CSMD1: variants seen among roughly 807,000 people sequenced by gnomAD.
CSMD1 encodes CUB and Sushi multiple domains 1, also known as CUB and sushi domain-containing protein 1.
A neutral mutation model predicts 417.5 loss-of-function variants in CSMD1; 213 were observed. That is an observed-to-expected ratio of 0.51 (90% CI 0.46 to 0.57). The LOEUF is 0.57. Among genes scored for constraint, CSMD1 ranks in the 20% least tolerant of loss-of-function variants. The pLI is 0.00. For missense variants in CSMD1, 6,923 were observed against 4,529.7 expected (o/e 1.53, Z -15.17); for synonymous variants, 2,862 against 1,736.8 (o/e 1.65, Z -16.11).
intron 54 of CSMD1, among the ~76,000 whole-genome samples, chr8:2,985,698 G>C (rs1805835001): frequency 6.6e-6 from 1 of 152,154 alleles, no homozygotes; most frequent in Admixed American, 6.5e-5. Context: ...TCATAGGAGA[G>C]GGTGACTCAG....
chr8:3,404,773 G>A (rs540982836), intron 15 of CSMD1, among the ~76,000 whole-genome samples: 2 of 138,978 alleles, frequency 1.4e-5, no homozygotes, highest in Non-Finnish European at 1.6e-5. Context: ...TATGACACAT[G>A]TGCCTGCATC....
chr8:4,230,487 G>A (rs1801654564), intron 3 of CSMD1, among the ~76,000 whole-genome samples: 1 of 152,130 alleles, frequency 6.6e-6, no homozygotes, highest in Non-Finnish European at 1.5e-5. Flanking sequence ...TCTGCTCAAA[G>A]TAGATATAAT....
rs145602612 is a variant in CSMD1, at chr8:3,485,444, G to C, written c.1448+8179C>G. Among the ~76,000 whole-genome samples, 36 of 151,826 alleles carry C rather than the reference G, an allele frequency of 2.4e-4. No homozygotes were observed. In the East Asian group the frequency reaches 5.4e-3, roughly 23 times the overall value. The stretch of plus-strand genomic sequence containing the variant: ...TTAAGGAAAATATGAGGGAACTTTG[G>C]GGTATTAGAAATTACCTGTCTTGAC... On this transcript the variant is annotated intron_variant, in intron 11 of 69. Transcript: ENST00000635120.
At chr8:3,669,594 G>C (rs1212071790) in intron 7 of CSMD1, among the ~76,000 whole-genome samples, 2 of 152,178 alleles carry the variant, frequency 1.3e-5, no homozygotes, top group African/African-American at 4.8e-5. Context: ...CTTCCGGACA[G>C]AAAATCACGA....
chr8:3,619,873 G>C (rs368891868), intron 7 of CSMD1, among the ~76,000 whole-genome samples: 1 of 152,132 alleles, frequency 6.6e-6, no homozygotes, highest in Non-Finnish European at 1.5e-5. Flanking sequence ...AGGCTGAGGT[G>C]GGTGGATCAC....
chr8:3,138,410 A>G (rs1056455091), intron 41 of CSMD1, among the ~76,000 whole-genome samples: 1 of 152,178 alleles, frequency 6.6e-6, no homozygotes, highest in Non-Finnish European at 1.5e-5. Context: ...ATTCACTCCA[A>G]TTTCATCACT....
chr8:3,284,637 C>G, intron 25 of CSMD1: 1 of 367,952 alleles, frequency 2.7e-6, no homozygotes, highest in South Asian at 2.8e-5. Flanking sequence ...TTGAGACTTC[C>G]AGATCTCTGT....
intron 2 of CSMD1, among the ~76,000 whole-genome samples, chr8:4,631,855 T>C (rs1213766892): frequency 6.6e-6 from 1 of 152,198 alleles, no homozygotes; most frequent in East Asian, 1.9e-4. Flanking sequence ...GCCAAAGCTA[T>C]TTCCCTAGGC....
chr8:3,864,111 C>G (rs980304747), intron 5 of CSMD1, among the ~76,000 whole-genome samples: 1 of 151,884 alleles, frequency 6.6e-6, no homozygotes, highest in African/African-American at 2.4e-5. Context: ...ATTTTTAAAG[C>G]TGTTGATATT....
intron 40 of CSMD1, among the ~76,000 whole-genome samples, chr8:3,143,760 A>T (rs1188696491): frequency 2.6e-5 from 4 of 152,206 alleles, no homozygotes; most frequent in Admixed American, 6.5e-5. Context: ...CTTTAAAAAA[A>T]TTTTTGCATC....
intron 3 of CSMD1, among the ~76,000 whole-genome samples, chr8:4,119,668 A>G (rs1162128918): frequency 6.6e-6 from 1 of 152,194 alleles, no homozygotes; most frequent in Admixed American, 6.5e-5. Context: ...ACACACTTGC[A>G]AGCCAGGAAG....
intron 3 of CSMD1, among the ~76,000 whole-genome samples, chr8:4,312,820 G>A (rs534850177): frequency 6.6e-6 from 1 of 152,138 alleles, no homozygotes; most frequent in Non-Finnish European, 1.5e-5. Context: ...GTTGCAGTTA[G>A]CTGAGATCGC....
chr8:4,280,926 G>GAT (rs1796748058), intron 3 of CSMD1, among the ~76,000 whole-genome samples: 1 of 152,164 alleles, frequency 6.6e-6, no homozygotes, highest in South Asian at 2.1e-4. Flanking sequence ...TGCAAAAGTA[G>GAT]ATATACATAT....
rs111460862 is a variant in CSMD1, at chr8:4,236,730, C to G, written c.415+183223G>C. Among the ~76,000 whole-genome samples, 365 of 152,236 alleles carry G rather than the reference C, an allele frequency of 2.4e-3. 1 individual carries two copies. Among genetic ancestry groups the G allele is most frequent in the African/African-American group, 5.4e-3 (225 of 41,530 alleles). On this transcript the variant is annotated intron_variant, in intron 3 of 69. Transcript: ENST00000635120. The stretch of plus-strand genomic sequence containing the variant: ...AAAATGGCAATAATCACTGTGCCTT[C>G]GAAGACTGCTGGATTAAAATGGCTT...
chr8:3,187,571 T>C (rs1585596444), intron 36 of CSMD1, among the ~76,000 whole-genome samples: 1 of 152,152 alleles, frequency 6.6e-6, no homozygotes, highest in Admixed American at 6.5e-5. Context: ...TCTGCCTCTT[T>C]GCTACCTCAC....
chr8:3,276,235 C>A (rs1297499276), intron 26 of CSMD1, among the ~76,000 whole-genome samples: 1 of 152,100 alleles, frequency 6.6e-6, no homozygotes, highest in African/African-American at 2.4e-5. Flanking sequence ...CTCAGTTAGG[C>A]TTCTTGGGGG....
chr8:4,282,204 T>A (rs1463803295), intron 3 of CSMD1, among the ~76,000 whole-genome samples: 1 of 152,236 alleles, frequency 6.6e-6, no homozygotes, highest in Non-Finnish European at 1.5e-5. Context: ...TGATTTTTTG[T>A]GAAAATAAAC....
chr8:4,116,994 G>C lies in CSMD1; in HGVS notation c.416-84895C>G, dbSNP rs919356371. 3.3e-5 allele frequency among the ~76,000 whole-genome samples: 5 copies of C among 151,986 alleles called. No individual in the cohort carries two copies. The East Asian group carries it at 7.7e-4, about 24-fold the overall frequency. On this transcript the variant is annotated intron_variant, in intron 3 of 69. Transcript: ENST00000635120. ...AGGCTACACCTAGTGACTATCTTCA[G>C]TAAGATGGCCTGACGCTTAACCTTT... is the stretch of plus-strand genomic sequence containing the variant.
At chr8:4,779,873 G>C (rs368135212) in intron 1 of CSMD1, among the ~76,000 whole-genome samples, 9 of 152,136 alleles carry the variant, frequency 5.9e-5, no homozygotes, top group Admixed American at 2.6e-4. Flanking sequence ...TGCTCCCCAG[G>C]CTTGCTGCTT....
Sources: gnomAD v4.1 joint callset for allele counts (sites outside exome capture counted in the v4.1 genomes callset) on GRCh38, gnomAD v4.1.1 for gene constraint, MANE v1.5 for transcripts, NCBI Gene and HGNC (gene_info 2026-07-23, HGNC 2026-07-21) for gene names.